TRAPPC6B: variants seen among roughly 807,000 people sequenced by gnomAD.
TRAPPC6B encodes trafficking protein particle complex subunit 6B, also known as TRAPP complex subunit 6B.
A neutral mutation model predicts 24.7 loss-of-function variants in TRAPPC6B; 27 were observed. The ratio of observed to expected loss-of-function variants is 1.09; its 90% CI spans 0.81 to 1.51. The LOEUF (loss-of-function observed/expected upper bound fraction) is 1.51. Ranked by LOEUF, TRAPPC6B falls within the 40% of genes most tolerant of loss-of-function variation. The pLI is 0.00. For missense variants in TRAPPC6B, 212 were observed against 190.8 expected (o/e 1.11, Z -0.66); for synonymous variants, 80 against 66.6 (o/e 1.20, Z -0.98).
chr14:39,160,293 C>T (rs560745856), intron 1 of TRAPPC6B, among the ~76,000 whole-genome samples: 50 of 152,156 alleles, frequency 3.3e-4, no homozygotes, highest in African/African-American at 1.2e-3. Context: ...TAGAAACAAA[C>T]CCCTCAAGAC....
chr14:39,168,766 C>A (rs909970640), intron 1 of TRAPPC6B, among the ~76,000 whole-genome samples: 1 of 152,302 alleles, frequency 6.6e-6, no homozygotes, highest in Admixed American at 6.5e-5. Context: ...CTGTTATCTC[C>A]TTTTCTCACT....
intron 3 of TRAPPC6B, among the ~76,000 whole-genome samples, chr14:39,156,090 G>T (rs1279417722): frequency 7.9e-5 from 12 of 152,080 alleles, no homozygotes; most frequent in African/African-American, 2.9e-4. Context: ...ACCATGTCCA[G>T]CCAGCTGATA....
At chr14:39,157,409 G>A (rs1358899451) in intron 3 of TRAPPC6B, 3 of 328,370 alleles carry the variant, frequency 9.1e-6, no homozygotes, top group South Asian at 2.6e-5. Flanking sequence ...CTATTGGCCC[G>A]GGCTGAAAAG....
intron 4 of TRAPPC6B, 74 bp downstream of exon 4, chr14:39,154,134 TTTG>T (rs1351221393): frequency 4.7e-6 from 4 of 849,792 alleles, no homozygotes; most frequent in Middle Eastern, 2.3e-4. Flanking sequence ...AATTCAATAG[TTTG>T]TTATGATTAG....
chr14:39,153,830 G>A lies in TRAPPC6B; in HGVS notation c.351+381C>T, dbSNP rs146767536. On this transcript the variant is annotated intron_variant, in intron 4 of 5. Coordinates refer to ENST00000330149, the MANE Select transcript of TRAPPC6B (RefSeq NM_001079537.2). Reference sequence around the variant, plus strand: ...AGTGATTCTCCTGCCTCAGCCTCCCGAATAGCTGGGATTGCAGGCGCTCGC... The same window carrying A: ...AGTGATTCTCCTGCCTCAGCCTCCCAAATAGCTGGGATTGCAGGCGCTCGC... Among the ~76,000 whole-genome samples, 348 of 151,226 alleles carry A rather than the reference G, an allele frequency of 2.3e-3. 2 individuals carry two copies. The highest frequency in any genetic ancestry group is 7.9e-3 in the African/African-American group (326 of 41,140).
intron 3 of TRAPPC6B, among the ~76,000 whole-genome samples, chr14:39,154,664 C>T (rs1035384595): frequency 6.6e-6 from 1 of 151,984 alleles, no homozygotes; most frequent in African/African-American, 2.4e-5. Context: ...AAGCAATCTG[C>T]CCACCTTGAC....
At position 39,170,230 on chromosome 14, in the gene TRAPPC6B, C is replaced by A; in HGVS notation, c.-135G>T. 1 of 754,856 alleles carries A rather than the reference C, an allele frequency of 1.3e-6. No individual in the cohort carries two copies. The highest frequency in any genetic ancestry group is 2.6e-5 in the East Asian group (1 of 38,534). 46.8% of individuals were successfully genotyped at this position (754,856 alleles called of 1,614,324 possible). ...CATTCTATCCCTGTGGCTAAGAGACCGAGGTATTCACACGACTTCCCAAAG... is the reference window on the plus strand; with the variant it reads ...CATTCTATCCCTGTGGCTAAGAGACAGAGGTATTCACACGACTTCCCAAAG... On this transcript the variant is annotated 5_prime_UTR_variant, in exon 1 of 6. Transcript: ENST00000330149.
intron 1 of TRAPPC6B, among the ~76,000 whole-genome samples, chr14:39,164,671 T>C (rs2053090182): frequency 6.6e-6 from 1 of 151,864 alleles, no homozygotes. Context: ...ACCTCATCTT[T>C]AAAAAAATTA....
intron 2 of TRAPPC6B, 177 bp downstream of exon 2, chr14:39,159,306 T>C (rs2053025960): frequency 5.7e-6 from 2 of 351,848 alleles, no homozygotes; most frequent in African/African-American, 4.2e-5. Flanking sequence ...TAAAATAAAA[T>C]TTGAATAAAT....
Position 39,148,794 on chromosome 14 carries a change from GCAT to G in TRAPPC6B, c.*1553_*1555del, listed in dbSNP as rs1401618202. On this transcript the variant is annotated 3_prime_UTR_variant, in exon 6 of 6. Coordinates refer to ENST00000330149, the MANE Select transcript of TRAPPC6B (RefSeq NM_001079537.2). ...GCAAAGGGGATACATTCTGAGAAAT[GCAT>G]CATCATTAGGAGATTTTAAAATTGT... The G allele has an allele frequency of 5.0e-5, 20 of 398,336 alleles. No homozygotes were observed. Among genetic ancestry groups the G allele is most frequent in the African/African-American group, 1.8e-4 (9 of 48,732 alleles). 24.7% of individuals were successfully genotyped at this position (398,336 alleles called of 1,614,324 possible).
At position 39,170,114 on chromosome 14, in the gene TRAPPC6B, A is replaced by G; in HGVS notation, c.-19T>C. On this transcript the variant is annotated 5_prime_UTR_variant, in exon 1 of 6. Transcript: ENST00000330149. ...CCGCCATTTCCTGCTAATTCTTCCA[A>G]GCTTCGAGTTTTGGCTCCCGTTTGA... 1 of 1,613,878 alleles carries G rather than the reference A, an allele frequency of 6.2e-7. No homozygotes were observed. Among genetic ancestry groups the G allele is most frequent in the Non-Finnish European group, 8.5e-7 (1 of 1,179,862 alleles).
At chr14:39,168,449 G>C (rs559643516) in intron 1 of TRAPPC6B, among the ~76,000 whole-genome samples, 1 of 151,944 alleles carries the variant, frequency 6.6e-6, no homozygotes, top group Non-Finnish European at 1.5e-5. Context: ...ATTATAGATG[G>C]GTCATTTGAA....
rs1443038005 is a variant in TRAPPC6B at position 39,167,986 on chromosome 14, G to A, written c.81+2029C>T. On this transcript the variant is annotated intron_variant, in intron 1 of 5. Transcript: ENST00000330149. ...CCCAGCACTTTGGGAGGCCAAGGCGGGCAGATCACCTGAGGTCAGAAGTTC... is the reference window on the plus strand; with the variant it reads ...CCCAGCACTTTGGGAGGCCAAGGCGAGCAGATCACCTGAGGTCAGAAGTTC... Among the ~76,000 whole-genome samples, 9 of 152,278 alleles carry A rather than the reference G, an allele frequency of 5.9e-5. No individual in the cohort carries two copies. The East Asian group carries it at 1.5e-3, about 26-fold the overall frequency.
intron 1 of TRAPPC6B, among the ~76,000 whole-genome samples, chr14:39,163,950 A>G (rs1211660599): frequency 6.6e-6 from 1 of 150,824 alleles, no homozygotes; most frequent in Non-Finnish European, 1.5e-5. Context: ...CTCCAACCAG[A>G]AAACTTCCAT....
At chr14:39,161,639 C>G (rs1369235954) in intron 1 of TRAPPC6B, among the ~76,000 whole-genome samples, 1 of 152,158 alleles carries the variant, frequency 6.6e-6, no homozygotes, top group Non-Finnish European at 1.5e-5. Flanking sequence ...GGCGAGCCAA[C>G]TGGATGTCTT....
intron 5 of TRAPPC6B, among the ~76,000 whole-genome samples, chr14:39,150,750 G>A (rs965823931): frequency 3.3e-5 from 5 of 152,060 alleles, no homozygotes; most frequent in African/African-American, 4.8e-5. Context: ...TATTGGCCAG[G>A]CTGGTCTCAA....
chr14:39,157,605 C>T, intron 3 of TRAPPC6B: 1 of 374,354 alleles, frequency 2.7e-6, no homozygotes, highest in Non-Finnish European at 5.2e-6. Context: ...TCCCTTACCG[C>T]ATTATCAAGG....
chr14:39,150,430 C>G, intron 5 of TRAPPC6B, 49 bp from the exon 6 acceptor site: 1 of 1,303,360 alleles, frequency 7.7e-7, no homozygotes, highest in Non-Finnish European at 1.1e-6. Flanking sequence ...ACAAAGAAAA[C>G]AAGTCTAAAC....
chr14:39,151,167 G>A (rs998599429), intron 5 of TRAPPC6B, among the ~76,000 whole-genome samples: 7 of 151,898 alleles, frequency 4.6e-5, no homozygotes, highest in African/African-American at 9.7e-5. Flanking sequence ...CGAGGCAGAC[G>A]GATCACAAGG....
Sources: gnomAD v4.1 joint callset for allele counts (sites outside exome capture counted in the v4.1 genomes callset) on GRCh38, gnomAD v4.1.1 for gene constraint, MANE v1.5 for transcripts, NCBI Gene and HGNC (gene_info 2026-07-23, HGNC 2026-07-21) for gene names.